Variants in AGBL1 observed in about 807,000 individuals in gnomAD.
AGBL1 encodes AGBL carboxypeptidase 1, also known as cytosolic carboxypeptidase 4.
In AGBL1, 130 loss-of-function variants were observed where a neutral mutation model predicts 118.9. The ratio of observed to expected loss-of-function variants is 1.09; its 90% CI spans 0.95 to 1.26. AGBL1 has a LOEUF of 1.26. AGBL1 is among the 50% of genes most tolerant of loss of function. AGBL1 has a pLI of 0.00. For missense variants in AGBL1, 1,584 were observed against 1,298.1 expected, an observed-to-expected ratio of 1.22 and a Z score of -3.38; for synonymous variants, 555 against 478.9, an observed-to-expected ratio of 1.16 and a Z score of -2.08.
At chr15:86,325,435 T>G (rs2080169598) in intron 17 of AGBL1, among the ~76,000 whole-genome samples, 2 of 152,020 alleles carry the variant, frequency 1.3e-5, no homozygotes, top group Admixed American at 1.3e-4. Context: ...CAGCCTGGAG[T>G]TGGGGAATGC....
intron 1 of AGBL1, among the ~76,000 whole-genome samples, chr15:86,118,983 T>C (rs1429434108): frequency 1.3e-5 from 2 of 152,206 alleles, no homozygotes; most frequent in Non-Finnish European, 2.9e-5. Context: ...TATTATGTAA[T>C]ACTCTGAGAG....
intron 22 of AGBL1, among the ~76,000 whole-genome samples, chr15:86,683,543 C>G (rs1003888102): frequency 1.3e-5 from 2 of 152,146 alleles, no homozygotes; most frequent in Admixed American, 6.5e-5. Context: ...AAGTGACTTG[C>G]TAGGTGTAGT....
chr15:86,369,495 A>G (rs1308887630), intron 17 of AGBL1, among the ~76,000 whole-genome samples: 1 of 152,168 alleles, frequency 6.6e-6, no homozygotes, highest in African/African-American at 2.4e-5. Flanking sequence ...CATGACTGGA[A>G]AGTAGAGGGG....
chr15:86,889,005 G>C (rs1028094060), intron 22 of AGBL1, among the ~76,000 whole-genome samples: 2 of 152,074 alleles, frequency 1.3e-5, no homozygotes, highest in African/African-American at 4.8e-5. Flanking sequence ...CACTAAAGGA[G>C]ACATCTATAA....
intron 21 of AGBL1, among the ~76,000 whole-genome samples, chr15:86,636,257 GCCCATGAAACCTCA>G (rs1555432690): frequency 6.6e-6 from 1 of 152,046 alleles, no homozygotes; most frequent in Non-Finnish European, 1.5e-5. Flanking sequence ...GTTAGCAAGG[GCCCATGAAACCTCA>G]CCTTCTTTAG....
intron 18 of AGBL1, among the ~76,000 whole-genome samples, chr15:86,516,071 C>T (rs1253307893): frequency 1.3e-5 from 2 of 152,110 alleles, no homozygotes; most frequent in Non-Finnish European, 2.9e-5. Context: ...CTCTGATTAG[C>T]CTTTTACTGA....
At chr15:86,863,897 T>C (rs2141486132) in intron 22 of AGBL1, among the ~76,000 whole-genome samples, 1 of 152,184 alleles carries the variant, frequency 6.6e-6, no homozygotes, top group East Asian at 1.9e-4. Flanking sequence ...ATTTCATAGG[T>C]TTGTTACGTG....
At chr15:86,396,113 G>T (rs1414530357) in intron 17 of AGBL1, among the ~76,000 whole-genome samples, 2 of 146,720 alleles carry the variant, frequency 1.4e-5, no homozygotes, top group Non-Finnish European at 3.0e-5. Context: ...CTATGTGTGT[G>T]TGTATATATA....
In AGBL1 at chr15:86,791,474, G is replaced by A. The variant is rs147810023; in HGVS notation, c.3159-115613G>A. ...AATGCCCACCTGTATCCTTAGGCAG[G>A]AAAGCTGGCCACAATGGCCTCAGTC... is the stretch of plus-strand genomic sequence containing the variant. On this transcript the variant is annotated intron_variant, in intron 22 of 22. Transcript: ENST00000614907. 7.2e-3 allele frequency among the ~76,000 whole-genome samples: 1,097 copies of A among 152,162 alleles called. 5 individuals carry two copies. Among genetic ancestry groups the A allele is most frequent in the Middle Eastern group, 0.014 (4 of 294 alleles).
chr15:86,973,336 A>T (rs528288777), intron 23 of AGBL1, among the ~76,000 whole-genome samples: 1 of 152,050 alleles, frequency 6.6e-6, no homozygotes, highest in African/African-American at 2.4e-5. Flanking sequence ...TAAAATTGCT[A>T]CACCATCAAC....
At chr15:86,476,657 C>T (rs573531877) in intron 18 of AGBL1, among the ~76,000 whole-genome samples, 130 of 152,260 alleles carry the variant, frequency 8.5e-4, no homozygotes, top group African/African-American at 3.1e-3. Context: ...CTACTGTCAA[C>T]ATGAGACAGA....
intron 23 of AGBL1, among the ~76,000 whole-genome samples, chr15:86,938,346 G>A (rs532542839): frequency 6.6e-6 from 1 of 152,074 alleles, no homozygotes; most frequent in Non-Finnish European, 1.5e-5. Flanking sequence ...CAGTAACCTC[G>A]CTGTGACCAG....
chr15:86,294,082 A>G (rs914652566), intron 16 of AGBL1, among the ~76,000 whole-genome samples: 7 of 151,874 alleles, frequency 4.6e-5, no homozygotes. Context: ...ATTAGGGAAA[A>G]TTTCTTCGGA....
intron 22 of AGBL1, among the ~76,000 whole-genome samples, chr15:86,868,717 C>T (rs2079675057): frequency 1.3e-5 from 2 of 152,186 alleles, no homozygotes. Context: ...TGACTTCGCA[C>T]TGTCTGGTTT....
rs565663365 is a variant in AGBL1 at position 86,926,539 on chromosome 15, C to A, written c.3222-61448C>A. ...GATTTGACCCCCAACCCAAAAGAAG[C>A]AAGTCAATTTATAGGGATTCCTTAG... is the stretch of plus-strand genomic sequence containing the variant. On this transcript the variant is annotated intron_variant, in intron 23 of 24. Transcript: ENST00000441037. Among the ~76,000 whole-genome samples, 3 of 152,306 alleles carry A rather than the reference C, an allele frequency of 2.0e-5. No homozygotes were observed. The South Asian group carries it at 6.2e-4, about 32-fold the overall frequency.
At chr15:86,596,536 G>T (rs954769803) in intron 21 of AGBL1, among the ~76,000 whole-genome samples, 1 of 152,134 alleles carries the variant, frequency 6.6e-6, no homozygotes, top group Non-Finnish European at 1.5e-5. Flanking sequence ...CTCATTCACT[G>T]CTCCAGACAC....
intron 17 of AGBL1, among the ~76,000 whole-genome samples, chr15:86,393,245 A>T (rs1330804741): frequency 6.6e-6 from 1 of 152,192 alleles, no homozygotes. Context: ...CACATTGTTG[A>T]TGTCTCTCTG....
rs2080318731 is a variant in AGBL1 at position 86,909,176 on chromosome 15, A to C, written c.*1882A>C. ...AAAAAAATGGGCCTATAGCCACAGG[A>C]AGCTGCAAGAGAGGTTAGAAAACAT... On this transcript the variant is annotated 3_prime_UTR_variant, in exon 23 of 23. Transcript: ENST00000614907. 1.3e-5 allele frequency: 2 copies of C among 152,256 alleles called. No individual in the cohort carries two copies. 9.4% of individuals were successfully genotyped at this position (152,256 alleles called of 1,614,324 possible). A position where few individuals can be genotyped will look rare whatever the true frequency, so the allele number is the denominator to read the frequency against.
At chr15:86,282,103 T>C (rs1282443541) in intron 16 of AGBL1, among the ~76,000 whole-genome samples, 1 of 152,202 alleles carries the variant, frequency 6.6e-6, no homozygotes, top group Non-Finnish European at 1.5e-5. Context: ...CCTCTGGGCC[T>C]GCTTACCTTC....
Sources: allele counts gnomAD v4.1 joint callset (sites outside exome capture counted in the v4.1 genomes callset), GRCh38; gene constraint gnomAD v4.1.1; transcripts MANE v1.5; gene names NCBI Gene and HGNC (gene_info 2026-07-23, HGNC 2026-07-21).